Variants in MGAT5 observed in about 807,000 individuals in gnomAD.
The protein encoded by MGAT5 is alpha-1,6-mannosylglycoprotein 6-beta-N-acetylglucosaminyltransferase.
MGAT5 carries 30 observed loss-of-function variants against 94.3 expected under a neutral mutation model. That is an observed-to-expected ratio of 0.32 (90% CI 0.24 to 0.43). The LOEUF (loss-of-function observed/expected upper bound fraction) is 0.43, where lower values mean the gene tolerates loss of function less well. Ranked by LOEUF, MGAT5 falls within the 20% of genes least tolerant of loss-of-function variation. The pLI, the probability that MGAT5 is intolerant of heterozygous loss-of-function variation, is 1.00. For synonymous variants in MGAT5, 310 were observed against 322.9 expected, an observed-to-expected ratio of 0.96 and a Z score of 0.43; for missense variants, 691 against 905.5, an observed-to-expected ratio of 0.76 and a Z score of 3.04.
intron 10 of MGAT5, among the ~76,000 whole-genome samples, chr2:134,371,527 C>G (rs1460935327): frequency 6.6e-6 from 1 of 152,146 alleles, no homozygotes; most frequent in African/African-American, 2.4e-5. Context: ...AGTTGACAGC[C>G]CAGCCCAGAT....
intron 2 of MGAT5, among the ~76,000 whole-genome samples, chr2:134,276,212 T>TG (rs2105683998): frequency 6.7e-6 from 1 of 149,772 alleles, no homozygotes; most frequent in African/African-American, 2.5e-5. Context: ...CCACTGGTCT[T>TG]GGAGGCCTCC....
In MGAT5 at chr2:134,258,641, GTC is replaced by G. The variant is rs548175291; in HGVS notation, c.241+4001_241+4002del. 1.1e-4 allele frequency among the ~76,000 whole-genome samples: 16 copies of G among 152,292 alleles called. 2 individuals are homozygous for G. Among genetic ancestry groups the G allele is most frequent in the African/African-American group, 3.9e-4 (16 of 41,552 alleles). On this transcript the variant is annotated intron_variant, in intron 1 of 15. Coordinates refer to ENST00000281923, the MANE Select transcript of MGAT5 (RefSeq NM_002410.5). The stretch of plus-strand genomic sequence containing the variant: ...TTTTGTGTGTGTGTGTGTGTCCCAA[GTC>G]TCTTTCACGCCTGTGTTTGGATTCG...
chr2:134,196,089 T>G (rs1198563761), intron 1 of MGAT5, among the ~76,000 whole-genome samples: 1 of 152,220 alleles, frequency 6.6e-6, no homozygotes, highest in Non-Finnish European at 1.5e-5. Context: ...GAGGCTCCTC[T>G]GTAGCACTCT....
intron 1 of MGAT5, among the ~76,000 whole-genome samples, chr2:134,162,030 TA>T (rs199936187): frequency 3.4e-5 from 5 of 148,780 alleles, no homozygotes; most frequent in African/African-American, 4.9e-5. Flanking sequence ...GGCTGTCCTT[TA>T]AAAAAAAAAT....
chr2:134,364,363 G>C (rs1375110023), intron 10 of MGAT5, among the ~76,000 whole-genome samples: 1 of 152,162 alleles, frequency 6.6e-6, no homozygotes, highest in Non-Finnish European at 1.5e-5. Context: ...AGCTAGGCGT[G>C]GTGGCAGGTG....
chr2:134,254,195 A>G lies in MGAT5; in HGVS notation c.-209A>G. 1 of 604,148 alleles carries G rather than the reference A, an allele frequency of 1.7e-6. No homozygotes were observed. Among genetic ancestry groups the G allele is most frequent in the South Asian group, 2.1e-5 (1 of 48,304 alleles). The allele number at this position is 604,148 out of a possible 1,614,324, so 37.4% of individuals were successfully genotyped here. ...TACTTAGAGGTATTCAAGTGAAAAC[A>G]TGGCTTCTGGTTTATTTTGCTGTAT... On this transcript the variant is annotated 5_prime_UTR_variant, in exon 1 of 16. The change abolishes an upstream ATG in the 5' untranslated region. Coordinates refer to ENST00000281923, the MANE Select transcript of MGAT5 (RefSeq NM_002410.5).
intron 14 of MGAT5, among the ~76,000 whole-genome samples, chr2:134,435,768 T>A (rs1181187671): frequency 6.6e-6 from 1 of 152,226 alleles, no homozygotes; most frequent in Non-Finnish European, 1.5e-5. Flanking sequence ...CTTTTCTGCC[T>A]AGTAGCAAGT....
At chr2:134,351,785 C>A (rs758201302) in intron 9 of MGAT5, among the ~76,000 whole-genome samples, 2 of 152,018 alleles carry the variant, frequency 1.3e-5, no homozygotes, top group Non-Finnish European at 2.9e-5. Flanking sequence ...ACATCATAAG[C>A]AAATCATGTC....
At chr2:134,253,896 C>G (rs1425507854), upstream of MGAT5, among the ~76,000 whole-genome samples, 1 of 152,192 alleles carries the variant, frequency 6.6e-6, no homozygotes, top group Non-Finnish European at 1.5e-5. Context: ...GTTACAGGCA[C>G]ACAAAAGGGC....
Position 134,453,449 on chromosome 2 carries a change from T to C in MGAT5, c.*4602T>C, listed in dbSNP as rs1686203293. The stretch of plus-strand genomic sequence containing the variant: ...TTCCAAGGGTTTTCCTCAAGGAACA[T>C]TTTTGAGCTAGAAATTAAAATGGGT... On this transcript the variant is annotated 3_prime_UTR_variant, in exon 16 of 16. Transcript: ENST00000281923. The C allele has an allele frequency of 6.6e-6, 1 of 152,212 alleles. No homozygotes were observed. Among genetic ancestry groups the C allele is most frequent in the African/African-American group, 2.4e-5 (1 of 41,454 alleles). The allele number at this position is 152,212 out of a possible 1,614,324, so 9.4% of individuals were successfully genotyped here.
chr2:134,320,497 G>A (rs187579603), intron 4 of MGAT5, among the ~76,000 whole-genome samples: 3 of 152,006 alleles, frequency 2.0e-5, no homozygotes, highest in African/African-American at 7.3e-5. Context: ...TTTATGGACT[G>A]GGGGAGGAAG....
intron 1 of MGAT5, among the ~76,000 whole-genome samples, chr2:134,263,915 TAAAA>T (rs201242939): frequency 6.8e-6 from 1 of 146,446 alleles, no homozygotes; most frequent in African/African-American, 2.5e-5. Flanking sequence ...TTTAGTTCTT[TAAAA>T]AAAAAAAGTG....
chr2:134,428,316 A>G (rs750285604), intron 13 of MGAT5, 49 bp from the exon 14 acceptor site: 1 of 1,558,844 alleles, frequency 6.4e-7, no homozygotes, highest in African/African-American at 1.4e-5. Context: ...AGGAGGTGCT[A>G]CATGTTCTCT....
chr2:134,324,838 T>C (rs1435937673), intron 4 of MGAT5, among the ~76,000 whole-genome samples: 1 of 152,078 alleles, frequency 6.6e-6, no homozygotes, highest in Non-Finnish European at 1.5e-5. Context: ...CCATTTGAAA[T>C]GGGAAATTCC....
intron 10 of MGAT5, among the ~76,000 whole-genome samples, chr2:134,387,324 A>ATT (rs1405730371): frequency 1.7e-4 from 7 of 41,134 alleles, no homozygotes; most frequent in African/African-American, 8.6e-4. Context: ...ATATATATAT[A>ATT]TATATATATT....
At chr2:134,440,242 A>G (rs1017719911) in intron 14 of MGAT5, among the ~76,000 whole-genome samples, 2 of 152,166 alleles carry the variant, frequency 1.3e-5, no homozygotes, top group Non-Finnish European at 2.9e-5. Context: ...TGCTACTTAG[A>G]CTTCTATTTC....
chr2:134,178,400 T>C (rs1300334699), intron 1 of MGAT5, among the ~76,000 whole-genome samples: 1 of 152,184 alleles, frequency 6.6e-6, no homozygotes, highest in Non-Finnish European at 1.5e-5. Context: ...GGGTGGCAGC[T>C]GATGGAAAGG....
At chr2:134,333,964 A>G (rs1688169248) in intron 4 of MGAT5, among the ~76,000 whole-genome samples, 1 of 152,148 alleles carries the variant, frequency 6.6e-6, no homozygotes, top group Non-Finnish European at 1.5e-5. Context: ...TTAACCAGTT[A>G]TCCTATCACA....
intron 1 of MGAT5, among the ~76,000 whole-genome samples, chr2:134,159,532 T>A (rs1030639356): frequency 6.6e-6 from 1 of 152,174 alleles, no homozygotes; most frequent in Non-Finnish European, 1.5e-5. Context: ...ATGATCTAAT[T>A]TTACTATCTT....
Sources: gnomAD v4.1 joint callset for allele counts (sites outside exome capture counted in the v4.1 genomes callset) on GRCh38, gnomAD v4.1.1 for gene constraint, MANE v1.5 for transcripts, NCBI Gene and HGNC (gene_info 2026-07-23, HGNC 2026-07-21) for gene names.